Variants in EYS observed in about 807,000 individuals in gnomAD.
The protein encoded by EYS is protein eyes shut homolog.
EYS carries 250 observed loss-of-function variants against 282.1 expected under a neutral mutation model. The observed-to-expected ratio is 0.89, with a 90% CI of 0.80 to 0.98. The LOEUF (loss-of-function observed/expected upper bound fraction) is 0.98, where lower values mean the gene tolerates loss of function less well. Among genes scored for constraint, EYS ranks in the 50% least tolerant of loss-of-function variants. The pLI, the probability that EYS is intolerant of heterozygous loss-of-function variation, is 0.00. For missense variants in EYS, 4,016 were observed against 3,709.0 expected, an observed-to-expected ratio of 1.08 and a Z score of -2.15; for synonymous variants, 1,355 against 1,282.9, an observed-to-expected ratio of 1.06 and a Z score of -1.20.
intron 36 of EYS, among the ~76,000 whole-genome samples, chr6:63,820,997 A>T (rs1266533633): frequency 6.6e-6 from 1 of 152,168 alleles, no homozygotes; most frequent in Non-Finnish European, 1.5e-5. Context: ...GTATTAAAAT[A>T]GCAATTTTCT....
chr6:64,493,979 G>T (rs1268531064), intron 26 of EYS, among the ~76,000 whole-genome samples: 1 of 151,590 alleles, frequency 6.6e-6, no homozygotes, highest in Non-Finnish European at 1.5e-5. Context: ...GGGTCCTGAA[G>T]GAAGGTATTA....
chr6:64,042,125 T>G (rs749944280), intron 33 of EYS, among the ~76,000 whole-genome samples: 2 of 152,230 alleles, frequency 1.3e-5, no homozygotes, highest in Non-Finnish European at 2.9e-5. Context: ...GAAATTTCTT[T>G]ATACTTAAAA....
intron 26 of EYS, among the ~76,000 whole-genome samples, chr6:64,526,214 A>C (rs924163168): frequency 3.3e-5 from 5 of 151,772 alleles, no homozygotes; most frequent in African/African-American, 1.2e-4. Flanking sequence ...AATGATTGTG[A>C]CTATGAAAGG....
chr6:64,449,091 G>A (rs1458169078), intron 26 of EYS, among the ~76,000 whole-genome samples: 1 of 152,050 alleles, frequency 6.6e-6, no homozygotes, highest in Non-Finnish European at 1.5e-5. Context: ...CAATGGCAAA[G>A]AAGATAAAAA....
At chr6:65,678,758 T>C (rs770784569) in intron 1 of EYS, among the ~76,000 whole-genome samples, 1 of 134,346 alleles carries the variant, frequency 7.4e-6, no homozygotes. Flanking sequence ...TAAAACTCAA[T>C]AGAAAAAAAG....
chr6:65,338,457 C>A (rs2150315965), intron 10 of EYS, among the ~76,000 whole-genome samples: 1 of 151,158 alleles, frequency 6.6e-6, no homozygotes, highest in African/African-American at 2.4e-5. Context: ...ACAAAAAATT[C>A]TATTAAACAT....
intron 19 of EYS, among the ~76,000 whole-genome samples, chr6:64,841,201 A>T (rs2150034919): frequency 6.6e-6 from 1 of 152,268 alleles, no homozygotes; most frequent in East Asian, 1.9e-4. Flanking sequence ...CAGTCCATAG[A>T]TAAACACTAT....
intron 2 of EYS, among the ~76,000 whole-genome samples, chr6:65,517,821 A>G (rs1326648678): frequency 6.6e-6 from 1 of 152,058 alleles, no homozygotes; most frequent in Non-Finnish European, 1.5e-5. Flanking sequence ...AAAAAATTCA[A>G]GAATATACAA....
chr6:63,860,182 A>T (rs141727274), intron 36 of EYS, among the ~76,000 whole-genome samples: 2 of 152,346 alleles, frequency 1.3e-5, no homozygotes, highest in East Asian at 3.9e-4. Flanking sequence ...GGCTTGGGAT[A>T]TCACCTCATA....
At chr6:64,461,297 T>A (rs1007695486) in intron 26 of EYS, among the ~76,000 whole-genome samples, 5 of 152,224 alleles carry the variant, frequency 3.3e-5, no homozygotes, top group African/African-American at 1.2e-4. Context: ...ATTATTTGCA[T>A]TATATGACAT....
At chr6:65,601,946 A>C (rs1765629884) in intron 2 of EYS, among the ~76,000 whole-genome samples, 1 of 151,968 alleles carries the variant, frequency 6.6e-6, no homozygotes. Context: ...TAGTGGGCTT[A>C]TAATGTTGGT....
intron 31 of EYS, among the ~76,000 whole-genome samples, chr6:64,199,241 G>T (rs894465390): frequency 1.3e-5 from 2 of 152,068 alleles, no homozygotes; most frequent in African/African-American, 4.8e-5. Context: ...CAGATATATA[G>T]ACCAATGTAA....
chr6:64,270,988 A>G (rs1453824164), intron 30 of EYS, among the ~76,000 whole-genome samples: 1 of 152,178 alleles, frequency 6.6e-6, no homozygotes, highest in Non-Finnish European at 1.5e-5. Flanking sequence ...AACCATGTTG[A>G]TATGTTTATC....
Position 65,573,416 on chromosome 6 carries a change from G to T in EYS, c.-333+66362C>A, listed in dbSNP as rs184991748. 2.9e-4 allele frequency among the ~76,000 whole-genome samples: 44 copies of T among 152,236 alleles called. 1 individual carries two copies. The East Asian group carries it at 2.9e-3, about 10-fold the overall frequency. On this transcript the variant is annotated intron_variant, in intron 2 of 42. Coordinates refer to ENST00000503581, the MANE Select transcript of EYS (RefSeq NM_001142800.2). ...AGACCAGCATCTTTTGCCACTGAAG[G>T]AATCAATAGCTATCCTGGCTGAGGA... is the stretch of plus-strand genomic sequence containing the variant.
At chr6:63,906,641 A>G (rs1231992802) in intron 35 of EYS, among the ~76,000 whole-genome samples, 2 of 152,184 alleles carry the variant, frequency 1.3e-5, no homozygotes, top group African/African-American at 4.8e-5. Context: ...ACATTTTAGC[A>G]TTATTTAAAA....
At chr6:64,363,001 CTT>C (rs5876892) in intron 29 of EYS, among the ~76,000 whole-genome samples, 7 of 142,348 alleles carry the variant, frequency 4.9e-5, no homozygotes, top group East Asian at 4.1e-4. Context: ...TTTTCTCTTT[CTT>C]TTTTTTTTGT....
chr6:64,963,367 C>T (rs1769987415), intron 14 of EYS, among the ~76,000 whole-genome samples: 1 of 152,110 alleles, frequency 6.6e-6, no homozygotes, highest in South Asian at 2.1e-4. Flanking sequence ...AGTCATTAGC[C>T]ATAGGAATGG....
chr6:64,631,407 T>A (rs922340351), intron 22 of EYS: 1 of 152,188 alleles, frequency 6.6e-6, no homozygotes, highest in East Asian at 1.9e-4. Context: ...GCCTAGATAC[T>A]TTCCCATAAT....
intron 28 of EYS, among the ~76,000 whole-genome samples, chr6:64,415,771 T>C (rs1774041756): frequency 6.6e-6 from 1 of 152,232 alleles, no homozygotes; most frequent in African/African-American, 2.4e-5. Context: ...TAAAGCTAGA[T>C]GTTTTTAATT....
Sources: allele counts gnomAD v4.1 joint callset (sites outside exome capture counted in the v4.1 genomes callset), GRCh38; gene constraint gnomAD v4.1.1; transcripts MANE v1.5; gene names NCBI Gene and HGNC (gene_info 2026-07-23, HGNC 2026-07-21).